The following MYO10 variants were observed in gnomAD, a reference collection of about 807,000 sequenced individuals.
MYO10 encodes the protein myosin X, also known as unconventional myosin-X.
A neutral mutation model predicts 257.3 loss-of-function variants in MYO10; 133 were observed. That is an observed-to-expected ratio of 0.52 (90% CI 0.45 to 0.60). MYO10 has a LOEUF of 0.60. Ranked by LOEUF, MYO10 falls within the 20% of genes least tolerant of loss-of-function variation. The pLI, the probability that MYO10 is intolerant of heterozygous loss-of-function variation, is 0.00. For synonymous variants in MYO10, 1,104 were observed against 1,028.6 expected, an observed-to-expected ratio of 1.07 and a Z score of -1.40; for missense variants, 2,399 against 2,635.7, an observed-to-expected ratio of 0.91 and a Z score of 1.97.
intron 19 of MYO10, among the ~76,000 whole-genome samples, chr5:16,713,722 T>C (rs936772036): frequency 1.3e-5 from 2 of 151,964 alleles, no homozygotes; most frequent in Non-Finnish European, 2.9e-5. Flanking sequence ...TGGATTTCCA[T>C]TGGTGGTTTT....
At chr5:16,818,597 A>T (rs1303860922) in intron 2 of MYO10, among the ~76,000 whole-genome samples, 2 of 54,736 alleles carry the variant, frequency 3.7e-5, no homozygotes, top group Non-Finnish European at 3.5e-5. Flanking sequence ...CCAGCCAGCT[A>T]ATTTTTGCAT....
At chr5:16,861,948 C>T (rs1168746668) in intron 2 of MYO10, among the ~76,000 whole-genome samples, 4 of 152,128 alleles carry the variant, frequency 2.6e-5, no homozygotes, top group Non-Finnish European at 4.4e-5. Flanking sequence ...GGGATACTTA[C>T]AGGAATTAAA....
chr5:16,908,411 C>G (rs1029557728), intron 1 of MYO10, among the ~76,000 whole-genome samples: 2 of 152,072 alleles, frequency 1.3e-5, no homozygotes, highest in African/African-American at 4.8e-5. Context: ...ACCTGTAATC[C>G]CAGCTACTCA....
intron 2 of MYO10, among the ~76,000 whole-genome samples, chr5:16,876,152 T>C (rs895941778): frequency 6.6e-6 from 1 of 152,056 alleles, no homozygotes; most frequent in Non-Finnish European, 1.5e-5. Flanking sequence ...ACATAAACTA[T>C]GTGTTTTAGA....
At chr5:16,726,594 C>T (rs1476405530) in intron 19 of MYO10, among the ~76,000 whole-genome samples, 1 of 152,154 alleles carries the variant, frequency 6.6e-6, no homozygotes, top group Non-Finnish European at 1.5e-5. Context: ...CACTAAGCAC[C>T]ACTAGCTATG....
chr5:16,887,305 CT>C (rs1250646168), intron 1 of MYO10, among the ~76,000 whole-genome samples: 3 of 152,108 alleles, frequency 2.0e-5, no homozygotes, highest in Non-Finnish European at 4.4e-5. Flanking sequence ...ATACACTAAT[CT>C]TTGGTCAATG....
intron 1 of MYO10, among the ~76,000 whole-genome samples, chr5:16,892,945 C>G (rs1745103642): frequency 6.6e-6 from 1 of 152,066 alleles, no homozygotes; most frequent in South Asian, 2.1e-4. Flanking sequence ...CCTGTAATCC[C>G]ACCACTTTGG....
chr5:16,869,955 G>A (rs1356578058), intron 2 of MYO10, among the ~76,000 whole-genome samples: 3 of 150,608 alleles, frequency 2.0e-5, no homozygotes, highest in African/African-American at 7.4e-5. Context: ...GGGGAAAAAA[G>A]AAAAGGAAAG....
chr5:16,790,121 T>C (rs1017615093), intron 4 of MYO10, among the ~76,000 whole-genome samples: 1 of 151,958 alleles, frequency 6.6e-6, no homozygotes, highest in African/African-American at 2.4e-5. Context: ...TCTAAATGTA[T>C]TTCTAGAAAT....
chr5:16,730,886 C>G (rs1327756423), intron 19 of MYO10, among the ~76,000 whole-genome samples: 1 of 152,104 alleles, frequency 6.6e-6, no homozygotes, highest in Non-Finnish European at 1.5e-5. Flanking sequence ...GTTAGATGCT[C>G]TCAGTCCTTT....
chr5:16,744,977 A>T (rs1030416632), intron 19 of MYO10, among the ~76,000 whole-genome samples: 1 of 152,214 alleles, frequency 6.6e-6, no homozygotes, highest in Admixed American at 6.5e-5. Flanking sequence ...TTTCACATTA[A>T]TCTCAAATGG....
intron 4 of MYO10, among the ~76,000 whole-genome samples, chr5:16,793,968 C>T (rs1741850723): frequency 6.6e-6 from 1 of 151,072 alleles, no homozygotes; most frequent in Non-Finnish European, 1.5e-5. Context: ...CTTTTTTAGA[C>T]AGTTTCTAGT....
At chr5:16,673,356 T>C (rs531530785) in intron 36 of MYO10, among the ~76,000 whole-genome samples, 1 of 152,278 alleles carries the variant, frequency 6.6e-6, no homozygotes, top group Admixed American at 6.5e-5. Context: ...ACAAACACTT[T>C]GTTGCAGAAG....
At chr5:16,848,526 TG>T (rs1370273260) in intron 2 of MYO10, among the ~76,000 whole-genome samples, 19 of 152,262 alleles carry the variant, frequency 1.2e-4, no homozygotes, top group Middle Eastern at 6.8e-3. Context: ...ATAATAATGA[TG>T]ATGTCGCCTT....
intron 2 of MYO10, among the ~76,000 whole-genome samples, chr5:16,825,124 T>C (rs1374868685): frequency 2.0e-5 from 3 of 152,172 alleles, no homozygotes; most frequent in African/African-American, 7.2e-5. Flanking sequence ...TCTGAGAATA[T>C]TCCTTTGCTC....
At chr5:16,869,086 G>A (rs1011484393) in intron 2 of MYO10, among the ~76,000 whole-genome samples, 8 of 151,798 alleles carry the variant, frequency 5.3e-5, no homozygotes, top group Non-Finnish European at 7.4e-5. Flanking sequence ...GTGCAGTGGC[G>A]CCATTGCGGC....
intron 2 of MYO10, among the ~76,000 whole-genome samples, chr5:16,856,434 C>T (rs1743961548): frequency 6.6e-6 from 1 of 151,910 alleles, no homozygotes; most frequent in African/African-American, 2.4e-5. Context: ...CCTGTAATCC[C>T]AGCTACTCAG....
intron 1 of MYO10, among the ~76,000 whole-genome samples, chr5:16,920,459 A>T (rs949092692): frequency 1.6e-4 from 25 of 152,210 alleles, no homozygotes; most frequent in Non-Finnish European, 2.8e-4. Flanking sequence ...ATACTCTCAA[A>T]TAACAAAACT....
At chr5:16,697,472 A>T (rs31577) in intron 26 of MYO10, among the ~76,000 whole-genome samples, 18 of 151,888 alleles carry the variant, frequency 1.2e-4, no homozygotes, top group Non-Finnish European at 2.5e-4. Flanking sequence ...GAGGCCAAGG[A>T]GGGCAGATCA....
Sources: allele counts gnomAD v4.1 joint callset (sites outside exome capture counted in the v4.1 genomes callset), GRCh38; gene constraint gnomAD v4.1.1; transcripts MANE v1.5; gene names NCBI Gene and HGNC (gene_info 2026-07-23, HGNC 2026-07-21).